CDH4: variants seen among roughly 807,000 people sequenced by gnomAD.
CDH4 encodes cadherin-4.
CDH4 carries 33 observed loss-of-function variants against 86.0 expected under a neutral mutation model. The ratio of observed to expected loss-of-function variants is 0.38; its 90% CI spans 0.29 to 0.51. The LOEUF (loss-of-function observed/expected upper bound fraction) is 0.51. Ranked by LOEUF, CDH4 falls within the 20% of genes least tolerant of loss-of-function variation. CDH4 has a pLI of 0.86. For missense variants in CDH4, 1,114 were observed against 1,307.4 expected (o/e 0.85, Z 2.28); for synonymous variants, 555 against 549.4 (o/e 1.01, Z -0.14).
chr20:61,565,738 G>A (rs1177989604), intron 2 of CDH4, among the ~76,000 whole-genome samples: 3 of 152,192 alleles, frequency 2.0e-5, no homozygotes, highest in African/African-American at 7.2e-5. Context: ...GCAGGGAAAG[G>A]CTCCAGCAGA....
intron 2 of CDH4, among the ~76,000 whole-genome samples, chr20:61,597,859 G>A (rs2145740088): frequency 6.6e-6 from 1 of 152,324 alleles, no homozygotes; most frequent in South Asian, 2.1e-4. Flanking sequence ...CGGGCGTGGA[G>A]TGAGCCTCAG....
Position 61,811,008 on chromosome 20 carries a change from A to C in CDH4, c.577-33660A>C, listed in dbSNP as rs1980407194. ...AGCTAGAAAGGAATCAGTCAAACGA[A>C]CTCATGGCTCTTCATCCCCTGCAAA... On this transcript the variant is annotated intron_variant, in intron 4 of 15. Transcript: ENST00000614565. This position sits in a 1 kb window ranked among gnomAD's most constrained non-coding sequence, Gnocchi z 4.4. Among the ~76,000 whole-genome samples, 1 of 151,994 alleles carries C rather than the reference A, an allele frequency of 6.6e-6. No homozygotes were observed. Among genetic ancestry groups the C allele is most frequent in the African/African-American group, 2.4e-5 (1 of 41,380 alleles).
intron 2 of CDH4, among the ~76,000 whole-genome samples, chr20:61,330,379 A>G (rs4812304): frequency 0.6 from 90,556 of 152,026 alleles, 27,008 homozygotes; most frequent in Middle Eastern, 0.76. Context: ...ACCAGCATCC[A>G]CTGTTGTTTG....
intron 2 of CDH4, among the ~76,000 whole-genome samples, chr20:61,274,503 G>A (rs1450559426): frequency 6.8e-6 from 1 of 147,234 alleles, no homozygotes; most frequent in Non-Finnish European, 1.5e-5. Flanking sequence ...GCAGTTTGGG[G>A]GAGTATTGGG....
rs1036014690 is a variant in CDH4 at position 61,393,504 on chromosome 20, A to G, written c.169+138567A>G. On this transcript the variant is annotated intron_variant, in intron 2 of 15. Coordinates refer to ENST00000614565, the MANE Select transcript of CDH4 (RefSeq NM_001794.5). This position sits in a 1 kb window ranked among gnomAD's most constrained non-coding sequence, Gnocchi z 4.3. ...GAACCACAACTTTCTTTCCAGAGTA[A>G]TTCTGAATGACAGCCCAGAGTGGGG... Among the ~76,000 whole-genome samples, 3 of 152,198 alleles carry G rather than the reference A, an allele frequency of 2.0e-5. No individual in the cohort carries two copies. The highest frequency in any genetic ancestry group is 4.8e-5 in the African/African-American group (2 of 41,456).
At chr20:61,351,426 C>T (rs1418960165) in intron 2 of CDH4, among the ~76,000 whole-genome samples, 1 of 152,156 alleles carries the variant, frequency 6.6e-6, no homozygotes, top group Non-Finnish European at 1.5e-5. Flanking sequence ...TTTTGGCATG[C>T]ACGGTGGTAG....
chr20:61,530,064 G>T (rs553527448), intron 2 of CDH4, among the ~76,000 whole-genome samples: 1 of 152,128 alleles, frequency 6.6e-6, no homozygotes, highest in Non-Finnish European at 1.5e-5. Flanking sequence ...AGGGAGTCTT[G>T]CTCTGTTGCC....
chr20:61,298,706 CAAAAAA>C (rs11481019), intron 2 of CDH4, among the ~76,000 whole-genome samples: 21 of 131,244 alleles, frequency 1.6e-4, no homozygotes, highest in Admixed American at 1.5e-3. Context: ...TTTCTCTTGC[CAAAAAA>C]AAAAAAGAAA....
chr20:61,381,308 A>G (rs562570419), intron 2 of CDH4, among the ~76,000 whole-genome samples: 4 of 152,340 alleles, frequency 2.6e-5, no homozygotes, highest in African/African-American at 9.6e-5. Flanking sequence ...CAGGGACTCA[A>G]GTTCTGAAAT....
Position 61,514,315 on chromosome 20 carries a change from GC to G in CDH4, c.170-229239del, listed in dbSNP as rs1265189755. On this transcript the variant is annotated intron_variant, in intron 2 of 15. Coordinates refer to ENST00000614565, the MANE Select transcript of CDH4 (RefSeq NM_001794.5). ...GTTCAGGCCTCAGTCCGCCCCCCCC[GC>G]CCCCCCCCACCCCCACCCCCGATGT... Among the ~76,000 whole-genome samples, 455 of 118,168 alleles carry G rather than the reference GC, an allele frequency of 3.9e-3. 2 individuals are homozygous for G. Among genetic ancestry groups the G allele is most frequent in the African/African-American group, 0.013 (404 of 32,008 alleles). The allele number at this position is 118,168 out of a possible 152,430, so 77.5% of individuals were successfully genotyped here. A position where few individuals can be genotyped will look rare whatever the true frequency, so the allele number is the denominator to read the frequency against.
chr20:61,386,369 T>C (rs1007414544), intron 2 of CDH4, among the ~76,000 whole-genome samples: 2 of 152,088 alleles, frequency 1.3e-5, no homozygotes, highest in Admixed American at 6.6e-5. Flanking sequence ...ACAGGAGACA[T>C]TGGATAAGTG....
chr20:61,367,959 C>T (rs538990200), intron 2 of CDH4, among the ~76,000 whole-genome samples: 2 of 150,650 alleles, frequency 1.3e-5, no homozygotes, highest in South Asian at 4.2e-4. Context: ...CAACCTCTGC[C>T]TCCTGGGTTC....
At chr20:61,598,741 C>T (rs6142662) in intron 2 of CDH4, among the ~76,000 whole-genome samples, 4,707 of 152,240 alleles carry the variant, frequency 0.031, 213 homozygotes, top group East Asian at 0.22. Flanking sequence ...CCACGCGTCC[C>T]AGAGGCCAGG....
chr20:61,384,452 G>T (rs1157524230), intron 2 of CDH4, among the ~76,000 whole-genome samples: 1 of 152,192 alleles, frequency 6.6e-6, no homozygotes, highest in East Asian at 1.9e-4. Flanking sequence ...CCACAGCGTG[G>T]TCTGGCATTT....
intron 2 of CDH4, among the ~76,000 whole-genome samples, chr20:61,730,824 G>A (rs184739212): frequency 2.6e-5 from 4 of 152,356 alleles, no homozygotes; most frequent in Non-Finnish European, 4.4e-5. Context: ...CTGTGAGGCA[G>A]AGATTGGTGC....
chr20:61,937,129 C>T lies in CDH4; in HGVS notation c.*186C>T, dbSNP rs548923970. 4.0e-5 allele frequency: 17 copies of T among 427,696 alleles called. No individual in the cohort carries two copies. In the East Asian group the frequency reaches 4.0e-4, roughly 10 times the overall value. The allele number at this position is 427,696 out of a possible 1,614,324, so 26.5% of individuals were successfully genotyped here. A position where few individuals can be genotyped will look rare whatever the true frequency, so the allele number is the denominator to read the frequency against. On this transcript the variant is annotated 3_prime_UTR_variant, in exon 16 of 16. Coordinates refer to ENST00000614565, the MANE Select transcript of CDH4 (RefSeq NM_001794.5). The stretch of plus-strand genomic sequence containing the variant: ...ACCCCCACAGCGCCCTGCACCCGGC[C>T]GCTGCCCAGCACCGCGCTGGCTGGC...
chr20:61,407,459 A>G lies in CDH4; in HGVS notation c.169+152522A>G, dbSNP rs2085090577. 3.3e-5 allele frequency among the ~76,000 whole-genome samples: 5 copies of G among 152,194 alleles called. No homozygotes were observed. The South Asian group carries it at 1.0e-3, about 31-fold the overall frequency. Reference sequence around the variant, plus strand: ...GATTCCAAGCACTTGCAACTCTGGGATTTGTTCAGACAAATCATTGTGGGT... The same window carrying G: ...GATTCCAAGCACTTGCAACTCTGGGGTTTGTTCAGACAAATCATTGTGGGT... On this transcript the variant is annotated intron_variant, in intron 2 of 15. Transcript: ENST00000614565.
Position 61,709,801 on chromosome 20 carries a change from G to A in CDH4, c.170-33762G>A, listed in dbSNP as rs1450992712. Among the ~76,000 whole-genome samples, 1 of 152,110 alleles carries A rather than the reference G, an allele frequency of 6.6e-6. No homozygotes were observed. Among genetic ancestry groups the A allele is most frequent in the South Asian group, 2.1e-4 (1 of 4,822 alleles). On this transcript the variant is annotated intron_variant, in intron 2 of 15. Transcript: ENST00000614565. This position sits in a 1 kb window ranked among gnomAD's most constrained non-coding sequence, Gnocchi z 4.8. Reference sequence around the variant, plus strand: ...CGGGAGGTAGAGGTTCTTTCTTCTTGTTTTCCCACAGATGGCACAAGCTAA... The same window carrying A: ...CGGGAGGTAGAGGTTCTTTCTTCTTATTTTCCCACAGATGGCACAAGCTAA...
At chr20:61,783,495 C>T (rs66999254) in intron 4 of CDH4, among the ~76,000 whole-genome samples, 4,094 of 151,134 alleles carry the variant, frequency 0.027, 197 homozygotes, top group African/African-American at 0.092. Flanking sequence ...CCTGTGCCCC[C>T]GAAAGAAATG....
Sources: gnomAD v4.1 joint callset for allele counts (sites outside exome capture counted in the v4.1 genomes callset) on GRCh38, gnomAD v4.1.1 for gene constraint, Gnocchi (gnomAD v3.1) non-coding constraint, MANE v1.5 for transcripts, NCBI Gene and HGNC (gene_info 2026-07-23, HGNC 2026-07-21) for gene names.